The following TUSC3 variants were observed in gnomAD, a reference collection of about 807,000 sequenced individuals.
TUSC3 encodes dolichyl-diphosphooligosaccharide--protein glycosyltransferase subunit TUSC3.
In TUSC3, 45 loss-of-function variants were observed where a neutral mutation model predicts 44.8. The observed-to-expected ratio is 1.00, with a 90% CI of 0.79 to 1.29. TUSC3 has a LOEUF of 1.29. TUSC3 is among the 50% of genes most tolerant of loss of function. The probability of loss-of-function intolerance (pLI) is 0.00; values close to 1 mark genes in which losing one functional copy is unlikely to be tolerated. For missense variants in TUSC3, 519 were observed against 437.9 expected (o/e 1.19, Z -1.65); for synonymous variants, 212 against 152.9 (o/e 1.39, Z -2.85).
At chr8:15,499,022 TC>T (rs1800920829) in intron 2 of TUSC3, among the ~76,000 whole-genome samples, 1 of 152,058 alleles carries the variant, frequency 6.6e-6, no homozygotes, top group Admixed American at 6.6e-5. Context: ...TCTTTTTTTT[TC>T]TCCTGTGGGT....
Position 15,590,085 on chromosome 8 carries a change from G to A in TUSC3, c.139-32995G>A, listed in dbSNP as rs537010490. On this transcript the variant is annotated intron_variant, in intron 1 of 10. Coordinates refer to ENST00000503731, the MANE Select transcript of TUSC3 (RefSeq NM_006765.4). ...TATTCTGTTAAAAGCATCTGACTTA[G>A]TATTTAGGAGGTCACAAATTGTATT... Among the ~76,000 whole-genome samples the A allele has an allele frequency of 4.7e-4, 71 of 152,300 alleles. 1 individual carries two copies. In the South Asian group the frequency reaches 7.7e-3, roughly 16 times the overall value.
At position 15,563,532 on chromosome 8, in the gene TUSC3, A is replaced by G. The variant is rs529562967; in HGVS notation, c.138+22964A>G. 5.9e-5 allele frequency among the ~76,000 whole-genome samples: 9 copies of G among 152,092 alleles called. No homozygotes were observed. The East Asian group carries it at 1.8e-3, about 30-fold the overall frequency. On this transcript the variant is annotated intron_variant, in intron 1 of 10. Coordinates refer to ENST00000503731, the MANE Select transcript of TUSC3 (RefSeq NM_006765.4). Reference sequence around the variant, plus strand: ...GAAACCCTGTCTCTGCTAAAAATACAAAAATTAGCTGGTTGTGGTGGCGCA... The same window carrying G: ...GAAACCCTGTCTCTGCTAAAAATACGAAAATTAGCTGGTTGTGGTGGCGCA...
At chr8:15,778,369 CAG>C in the TUSC3 span, among the ~76,000 whole-genome samples, 3 of 152,104 alleles carry the variant, frequency 2.0e-5, no homozygotes, top group Admixed American at 6.5e-5. Context: ...GGAGACAAAA[CAG>C]AAATCTCTGG....
chr8:15,467,045 C>G (rs545791527), intron 1 of TUSC3, among the ~76,000 whole-genome samples: 71 of 152,096 alleles, frequency 4.7e-4, no homozygotes, highest in African/African-American at 1.6e-3. Flanking sequence ...TAGCTAAGGA[C>G]AAATCGAGAT....
chr8:15,718,822 T>C (rs1388749895), intron 6 of TUSC3, among the ~76,000 whole-genome samples: 1 of 152,116 alleles, frequency 6.6e-6, no homozygotes, highest in East Asian at 1.9e-4. Context: ...ATTTGGACAT[T>C]AAAATAACTA....
intron 1 of TUSC3, among the ~76,000 whole-genome samples, chr8:15,621,069 T>C (rs1458718014): frequency 6.6e-6 from 1 of 152,076 alleles, no homozygotes; most frequent in Non-Finnish European, 1.5e-5. Context: ...TAAGTAACTT[T>C]CTTAGACCAG....
intron 6 of TUSC3, among the ~76,000 whole-genome samples, chr8:15,676,679 A>G (rs7462894): frequency 0.12 from 18,617 of 152,144 alleles, 2,085 homozygotes; most frequent in African/African-American, 0.3. Flanking sequence ...AGTTAGTGGT[A>G]GAGGCCAGGA....
intron 2 of TUSC3, among the ~76,000 whole-genome samples, chr8:15,629,278 T>C (rs779480766): frequency 6.6e-6 from 1 of 152,112 alleles, no homozygotes; most frequent in Non-Finnish European, 1.5e-5. Flanking sequence ...TAGGATGATA[T>C]GAATTTCAAA....
intron 6 of TUSC3, among the ~76,000 whole-genome samples, chr8:15,707,246 T>A (rs568713870): frequency 1.3e-5 from 2 of 152,134 alleles, no homozygotes; most frequent in Non-Finnish European, 1.5e-5. Flanking sequence ...CTATTCTCAG[T>A]AAGCTTTAAA....
chr8:15,794,770 TTGA>T, the TUSC3 span, among the ~76,000 whole-genome samples: 2 of 152,170 alleles, frequency 1.3e-5, no homozygotes, highest in Non-Finnish European at 1.5e-5. Flanking sequence ...CATTTGCCCT[TTGA>T]TCCACAGGGG....
intron 2 of TUSC3, among the ~76,000 whole-genome samples, chr8:15,518,425 A>C (rs1801250816): frequency 6.6e-6 from 1 of 152,188 alleles, no homozygotes; most frequent in African/African-American, 2.4e-5. Context: ...AGAAAATGTT[A>C]TCAAGGCCTT....
the TUSC3 span, among the ~76,000 whole-genome samples, chr8:15,801,844 T>C: frequency 1.3e-5 from 2 of 152,142 alleles, no homozygotes; most frequent in East Asian, 1.9e-4. Flanking sequence ...GTTCAAGAAA[T>C]TGAATCAACA....
chr8:15,532,752 G>A (rs570465693), intron 2 of TUSC3, among the ~76,000 whole-genome samples: 12 of 152,300 alleles, frequency 7.9e-5, no homozygotes, highest in Admixed American at 7.2e-4. Flanking sequence ...CACGGGGGCA[G>A]GTCTTTCCTG....
chr8:15,738,671 C>T (rs761075071), intron 7 of TUSC3, among the ~76,000 whole-genome samples: 6 of 151,950 alleles, frequency 3.9e-5, no homozygotes, highest in African/African-American at 7.3e-5. Context: ...TTAACTCACC[C>T]GTGAACAGTT....
intron 2 of TUSC3, among the ~76,000 whole-genome samples, chr8:15,649,183 A>G (rs1333081107): frequency 2.0e-5 from 3 of 152,152 alleles, no homozygotes; most frequent in African/African-American, 7.2e-5. Flanking sequence ...TTTTTAAGAA[A>G]TCACATAAGG....
rs150455510 is a variant in TUSC3 at position 15,571,509 on chromosome 8, T to C, written c.138+30941T>C. ...AAAATGCTATATTGCTTAAAAAATA[T>C]GATCTTCTGAGCCTTCAGTGAGTTA... On this transcript the variant is annotated intron_variant, in intron 1 of 10. Coordinates refer to ENST00000503731, the MANE Select transcript of TUSC3 (RefSeq NM_006765.4). 1.7e-3 allele frequency among the ~76,000 whole-genome samples: 263 copies of C among 152,298 alleles called. 3 individuals carry two copies. The Middle Eastern group carries it at 0.034, about 20-fold the overall frequency.
chr8:15,462,600 A>T (rs2129122041), intron 1 of TUSC3, among the ~76,000 whole-genome samples: 1 of 152,240 alleles, frequency 6.6e-6, no homozygotes, highest in South Asian at 2.1e-4. Context: ...TTTTGCAAAG[A>T]AGCTAACTCT....
rs527281396 is a variant in TUSC3, at chr8:15,540,655, G to T, written c.138+87G>T. ...CCAGGCAGCCCTGCCGTGTTGCTAGGCAGCCTGGTCGCCGGCGTGGGCGAT... is the reference window on the plus strand; with the variant it reads ...CCAGGCAGCCCTGCCGTGTTGCTAGTCAGCCTGGTCGCCGGCGTGGGCGAT... On this transcript the variant is annotated intron_variant, in intron 1 of 10. Transcript: ENST00000503731. The T allele has an allele frequency of 1.7e-5, 25 of 1,429,120 alleles. No homozygotes were observed. The Middle Eastern group carries it at 6.7e-4, about 38-fold the overall frequency. 88.5% of individuals were successfully genotyped at this position (1,429,120 alleles called of 1,614,324 possible).
intron 1 of TUSC3, among the ~76,000 whole-genome samples, chr8:15,594,942 C>G (rs575551984): frequency 1.9e-3 from 287 of 152,192 alleles, no homozygotes; most frequent in Non-Finnish European, 3.1e-3. Context: ...GTCATCTTCA[C>G]TGCAATTGAG....
Sources: gnomAD v4.1 joint callset for allele counts (sites outside exome capture counted in the v4.1 genomes callset) on GRCh38, gnomAD v4.1.1 for gene constraint, MANE v1.5 for transcripts, NCBI Gene and HGNC (gene_info 2026-07-23, HGNC 2026-07-21) for gene names.